The following ACCSL variants were observed in gnomAD, a reference collection of about 807,000 sequenced individuals.
ACCSL encodes 1-aminocyclopropane-1-carboxylate synthase homolog (inactive) like, also known as probable inactive 1-aminocyclopropane-1-carboxylate synthase-like protein 2.
A neutral mutation model predicts 61.7 loss-of-function variants in ACCSL; 55 were observed. The observed-to-expected ratio is 0.89, with a 90% CI of 0.72 to 1.12. ACCSL has a LOEUF of 1.12. ACCSL is among the 50% of genes most tolerant of loss of function. The pLI is 0.00. For missense variants in ACCSL, 632 were observed against 698.0 expected, an observed-to-expected ratio of 0.91 and a Z score of 1.07; for synonymous variants, 258 against 264.3, an observed-to-expected ratio of 0.98 and a Z score of 0.23.
At chr11:44,031,163 A>G in the ACCSL span, among the ~76,000 whole-genome samples, 1 of 152,130 alleles carries the variant, frequency 6.6e-6, no homozygotes, top group Non-Finnish European at 1.5e-5. Context: ...TTGGCTTGTG[A>G]ATGGTTAGGA....
chr11:43,961,814 C>T, the ACCSL span, among the ~76,000 whole-genome samples: 1 of 152,048 alleles, frequency 6.6e-6, no homozygotes, highest in Non-Finnish European at 1.5e-5. Flanking sequence ...TCAGCTATAA[C>T]AGGAAATATC....
At chr11:44,014,601 C>G in the ACCSL span, among the ~76,000 whole-genome samples, 2 of 152,268 alleles carry the variant, frequency 1.3e-5, no homozygotes, top group South Asian at 4.1e-4. Context: ...ATTGGTCACA[C>G]TGACCAACCT....
chr11:44,014,843 T>C, the ACCSL span, among the ~76,000 whole-genome samples: 1 of 152,082 alleles, frequency 6.6e-6, no homozygotes, highest in Non-Finnish European at 1.5e-5. Context: ...GAAAAAGGTA[T>C]GGGCCTGGGC....
the ACCSL span, among the ~76,000 whole-genome samples, chr11:43,948,331 G>A: frequency 6.7e-6 from 1 of 149,956 alleles, no homozygotes; most frequent in African/African-American, 2.5e-5. Context: ...CATTCAGTGA[G>A]CACCTCCGAT....
the ACCSL span, chr11:43,944,473 T>A: frequency 6.5e-6 from 1 of 153,664 alleles, no homozygotes; most frequent in Non-Finnish European, 1.4e-5. Context: ...GCGGCCGCTA[T>A]GTCTCCAGCC....
chr11:44,008,979 C>G, the ACCSL span, among the ~76,000 whole-genome samples: 3 of 152,132 alleles, frequency 2.0e-5, no homozygotes, highest in Admixed American at 6.5e-5. Flanking sequence ...CCAGCCTGGG[C>G]AACATGGCGA....
the ACCSL span, among the ~76,000 whole-genome samples, chr11:43,923,237 C>T: frequency 1.3e-5 from 2 of 152,214 alleles, no homozygotes; most frequent in South Asian, 2.1e-4. Flanking sequence ...TCTTGACAAA[C>T]GACGGGTTCC....
At chr11:44,023,832 T>G in the ACCSL span, among the ~76,000 whole-genome samples, 2 of 152,210 alleles carry the variant, frequency 1.3e-5, no homozygotes, top group African/African-American at 4.8e-5. Context: ...TCTCATAAGT[T>G]TGGTATGTTG....
the ACCSL span, among the ~76,000 whole-genome samples, chr11:43,963,107 G>GGA: frequency 1.3e-5 from 2 of 152,174 alleles, no homozygotes; most frequent in Non-Finnish European, 2.9e-5. Flanking sequence ...CTGAGCCTGT[G>GGA]GAGAGGTCTA....
At chr11:44,004,400 A>G in the ACCSL span, among the ~76,000 whole-genome samples, 1 of 151,880 alleles carries the variant, frequency 6.6e-6, no homozygotes, top group Non-Finnish European at 1.5e-5. Flanking sequence ...AAGAGGTGAG[A>G]AAAGGAGTCT....
chr11:43,936,630 C>T, the ACCSL span, among the ~76,000 whole-genome samples: 1 of 152,198 alleles, frequency 6.6e-6, no homozygotes, highest in East Asian at 1.9e-4. Flanking sequence ...ACCAAGGTCA[C>T]AGAATGAGTC....
the ACCSL span, among the ~76,000 whole-genome samples, chr11:43,988,035 C>G: frequency 6.6e-6 from 1 of 152,154 alleles, no homozygotes; most frequent in Admixed American, 6.5e-5. Context: ...TTCCCACCCC[C>G]ACAGGAAGGA....
At chr11:44,023,335 G>A in the ACCSL span, among the ~76,000 whole-genome samples, 3 of 152,082 alleles carry the variant, frequency 2.0e-5, no homozygotes, top group Non-Finnish European at 4.4e-5. Flanking sequence ...TTATAGGCAT[G>A]AGCCACCACA....
the ACCSL span, among the ~76,000 whole-genome samples, chr11:44,027,058 C>A: frequency 6.6e-6 from 1 of 152,190 alleles, no homozygotes; most frequent in Non-Finnish European, 1.5e-5. Context: ...TATTCTTTAT[C>A]ATGCGTGATC....
chr11:44,039,071 T>C, the ACCSL span, among the ~76,000 whole-genome samples: 1 of 152,060 alleles, frequency 6.6e-6, no homozygotes, highest in African/African-American at 2.4e-5. Flanking sequence ...TGGTATCTAA[T>C]AGGTGCCCGG....
chr11:43,937,244 A>G, the ACCSL span, among the ~76,000 whole-genome samples: 1 of 152,318 alleles, frequency 6.6e-6, no homozygotes, highest in East Asian at 1.9e-4. Context: ...GTGGCCAACA[A>G]TGACCACCTA....
chr11:43,921,366 C>G, the ACCSL span, among the ~76,000 whole-genome samples: 1 of 152,088 alleles, frequency 6.6e-6, no homozygotes, highest in African/African-American at 2.4e-5. Context: ...TTTTAAAAAA[C>G]AAAAAACAAA....
At chr11:44,028,610 C>T in the ACCSL span, among the ~76,000 whole-genome samples, 2 of 152,306 alleles carry the variant, frequency 1.3e-5, no homozygotes, top group East Asian at 3.9e-4. Context: ...CTTCATTGAG[C>T]AGAGTGTGTG....
chr11:43,960,783 T>C, the ACCSL span, among the ~76,000 whole-genome samples: 1 of 152,152 alleles, frequency 6.6e-6, no homozygotes. Flanking sequence ...TGGAGAAATA[T>C]ATTTCTATTC....
Sources: gnomAD v4.1 joint callset for allele counts (sites outside exome capture counted in the v4.1 genomes callset) on GRCh38, gnomAD v4.1.1 for gene constraint, MANE v1.5 for transcripts, NCBI Gene and HGNC (gene_info 2026-07-23, HGNC 2026-07-21) for gene names.